Variants in PLEKHA7 observed in about 807,000 individuals in gnomAD.
The protein encoded by PLEKHA7 is pleckstrin homology domain containing A7.
PLEKHA7 carries 104 observed loss-of-function variants against 170.0 expected under a neutral mutation model. The ratio of observed to expected loss-of-function variants is 0.61; its 90% CI spans 0.52 to 0.72. The LOEUF (loss-of-function observed/expected upper bound fraction) is 0.72, where lower values mean the gene tolerates loss of function less well. Among genes scored for constraint, PLEKHA7 ranks in the 30% least tolerant of loss-of-function variants. PLEKHA7 has a pLI of 0.00. For synonymous variants in PLEKHA7, 648 were observed against 660.8 expected (o/e 0.98, Z 0.30); for missense variants, 1,615 against 1,671.7 (o/e 0.97, Z 0.59).
chr11:16,868,088 A>T (rs1344276887), intron 4 of PLEKHA7, among the ~76,000 whole-genome samples: 3 of 152,102 alleles, frequency 2.0e-5, no homozygotes. Context: ...CCTTGACTAG[A>T]CAGATATCAG....
At chr11:16,840,907 TTACAA>T (rs1389183448) in intron 9 of PLEKHA7, among the ~76,000 whole-genome samples, 3 of 152,250 alleles carry the variant, frequency 2.0e-5, no homozygotes, top group South Asian at 4.1e-4. Context: ...CACCCTTAGG[TTACAA>T]GAGAATACAC....
Position 16,817,218 on chromosome 11 carries a change from C to A in PLEKHA7, c.1448G>T (p.Gly483Val), listed in dbSNP as rs752097358. 6.2e-7 allele frequency: 1 copy of A among 1,613,786 alleles called. No individual in the cohort carries two copies. The highest frequency in any genetic ancestry group is 8.5e-7 in the Non-Finnish European group (1 of 1,179,876). The change falls in exon 11 of 27, where the codon GGC becomes GTC. Residue 483 changes from glycine (G) to valine (V), a missense_variant. Physicochemically the swap from Gly to Val is moderately radical, Grantham distance 109 (BLOSUM62 -3). Coordinates refer to ENST00000531066, the MANE Select transcript of PLEKHA7 (RefSeq NM_001329630.2). The surrounding 1 kb of genome is among the most constrained non-coding windows in gnomAD (Gnocchi z 4.4). Reference protein sequence around the residue: ...LPKSTRHPSGGSSPPPRNLPS... With the variant: ...LPKSTRHPSGVSSPPPRNLPS... Reference sequence around the variant, plus strand: ...CAGGTTTCGGGGAGGTGGCGAGGAGCCCCCCGAGGGGTGTCGGGTGCTCTT... The same window carrying A: ...CAGGTTTCGGGGAGGTGGCGAGGAGACCCCCGAGGGGTGTCGGGTGCTCTT...
chr11:16,783,982 T>C (rs1053791110), intron 24 of PLEKHA7, 149 bp from the exon 25 acceptor site: 2 of 903,276 alleles, frequency 2.2e-6, no homozygotes, highest in African/African-American at 3.5e-5. Flanking sequence ...ATTAGTCAGT[T>C]GTGGAATCCA....
intron 3 of PLEKHA7, among the ~76,000 whole-genome samples, chr11:16,926,338 C>G (rs1474958099): frequency 6.6e-6 from 1 of 152,214 alleles, no homozygotes; most frequent in Non-Finnish European, 1.5e-5. Flanking sequence ...GGATCACTCT[C>G]CTGGTCCTGC....
In PLEKHA7 at chr11:16,791,262, T is replaced by C. The variant is rs1847834036; in HGVS notation, c.2746-63A>G. ...CGGAGCTGGAGGGAGGACTGCTAGG[T>C]ACTGCCACAGTGGAGGTTTAAAGGG... On this transcript the variant is annotated intron_variant, in intron 19 of 26. Transcript: ENST00000531066. This position sits in a 1 kb window ranked among gnomAD's most constrained non-coding sequence, Gnocchi z 4.5. 1 of 1,457,632 alleles carries C rather than the reference T, an allele frequency of 6.9e-7. No individual in the cohort carries two copies. The highest frequency in any genetic ancestry group is 1.4e-5 in the African/African-American group (1 of 70,576). The allele number at this position is 1,457,632 out of a possible 1,614,324, so 90.3% of individuals were successfully genotyped here.
At chr11:16,870,526 G>A (rs1590404137) in intron 4 of PLEKHA7, among the ~76,000 whole-genome samples, 2 of 151,756 alleles carry the variant, frequency 1.3e-5, no homozygotes, top group South Asian at 2.1e-4. Flanking sequence ...CGACTTGGGC[G>A]GCTGAGACAG....
intron 3 of PLEKHA7, among the ~76,000 whole-genome samples, chr11:16,957,689 A>ATATTTTTCTTTTTT (rs1420004461): frequency 2.5e-5 from 3 of 118,226 alleles, no homozygotes; most frequent in African/African-American, 9.9e-5. Context: ...TACCTCAATA[A>ATATTTTTCTTTTTT]TTTTTTTCTT....
intron 3 of PLEKHA7, among the ~76,000 whole-genome samples, chr11:16,963,952 T>G (rs549845251): frequency 6.8e-4 from 104 of 152,232 alleles, no homozygotes; most frequent in African/African-American, 2.5e-3. Context: ...GAAGCACTCT[T>G]AGTTATCAAC....
At chr11:16,992,843 T>C (rs1864127304) in intron 3 of PLEKHA7, among the ~76,000 whole-genome samples, 2 of 152,068 alleles carry the variant, frequency 1.3e-5, no homozygotes, top group East Asian at 1.9e-4. Context: ...GGCCTCTGTG[T>C]CCTCATCTAC....
chr11:16,969,117 T>C (rs1862558041), intron 3 of PLEKHA7, among the ~76,000 whole-genome samples: 1 of 152,142 alleles, frequency 6.6e-6, no homozygotes, highest in South Asian at 2.1e-4. Flanking sequence ...CTGGCTCTTT[T>C]GATGCAACTG....
intron 9 of PLEKHA7, among the ~76,000 whole-genome samples, chr11:16,829,349 T>C (rs944361525): frequency 3.3e-5 from 5 of 152,154 alleles, no homozygotes; most frequent in African/African-American, 1.2e-4. Flanking sequence ...AGAGTTTGGT[T>C]TCTGCTACTT....
intron 3 of PLEKHA7, among the ~76,000 whole-genome samples, chr11:17,007,049 C>G (rs1865041663): frequency 1.3e-5 from 2 of 152,208 alleles, no homozygotes; most frequent in Non-Finnish European, 2.9e-5. Context: ...CCTCGGAGGA[C>G]CAGGTTCTTA....
At position 16,817,384 on chromosome 11, in the gene PLEKHA7, A is replaced by T. The variant is rs748129482; in HGVS notation, c.1344-62T>A. On this transcript the variant is annotated intron_variant, in intron 10 of 26. Transcript: ENST00000531066. The surrounding 1 kb of genome is among the most constrained non-coding windows in gnomAD (Gnocchi z 4.4). Reference sequence around the variant, plus strand: ...GCGAGGGTTCTGCAGGCTTTGGGGAACATATCTAAGTAAACCCACAAAGCT... The same window carrying T: ...GCGAGGGTTCTGCAGGCTTTGGGGATCATATCTAAGTAAACCCACAAAGCT... 20 of 1,491,986 alleles carry T rather than the reference A, an allele frequency of 1.3e-5. No homozygotes were observed. Among genetic ancestry groups the T allele is most frequent in the Non-Finnish European group, 1.7e-5 (19 of 1,108,704 alleles). 92.4% of individuals were successfully genotyped at this position (1,491,986 alleles called of 1,614,324 possible). A position where few individuals can be genotyped will look rare whatever the true frequency, so the allele number is the denominator to read the frequency against.
intron 3 of PLEKHA7, among the ~76,000 whole-genome samples, chr11:16,897,292 T>C (rs1354601188): frequency 2.0e-5 from 3 of 152,090 alleles, no homozygotes; most frequent in Admixed American, 2.0e-4. Context: ...GACATCCAGG[T>C]GGGGGCGAGA....
At chr11:16,900,572 C>T (rs1309344889) in intron 3 of PLEKHA7, among the ~76,000 whole-genome samples, 1 of 152,172 alleles carries the variant, frequency 6.6e-6, no homozygotes, top group East Asian at 1.9e-4. Flanking sequence ...TCACTGCCTT[C>T]CAGATCTTTT....
chr11:16,935,882 C>T (rs945273282), intron 3 of PLEKHA7, among the ~76,000 whole-genome samples: 8 of 152,200 alleles, frequency 5.3e-5, no homozygotes, highest in African/African-American at 1.9e-4. Flanking sequence ...ACAGTGATGA[C>T]AGATGCTTAT....
intron 4 of PLEKHA7, among the ~76,000 whole-genome samples, chr11:16,867,626 C>G (rs1394248722): frequency 6.6e-6 from 1 of 152,094 alleles, no homozygotes; most frequent in East Asian, 1.9e-4. Context: ...CCTCACTCAC[C>G]CTCCAGAGCT....
chr11:16,906,192 A>C (rs1857648565), intron 3 of PLEKHA7, among the ~76,000 whole-genome samples: 1 of 148,316 alleles, frequency 6.7e-6, no homozygotes, highest in Non-Finnish European at 1.5e-5. Context: ...TGGAGATTAG[A>C]TCCTTAAAGA....
At chr11:17,009,144 G>C (rs1865178871) in intron 3 of PLEKHA7, among the ~76,000 whole-genome samples, 1 of 152,098 alleles carries the variant, frequency 6.6e-6, no homozygotes, top group Admixed American at 6.6e-5. Context: ...GCCTGGGGTA[G>C]GAGCTACCAC....
Sources: gnomAD v4.1 joint callset for allele counts (sites outside exome capture counted in the v4.1 genomes callset) on GRCh38, gnomAD v4.1.1 for gene constraint, Gnocchi (gnomAD v3.1) non-coding constraint, MANE v1.5 for transcripts, NCBI Gene and HGNC (gene_info 2026-07-23, HGNC 2026-07-21) for gene names.